The following ARHGAP44 variants were observed in gnomAD, a reference collection of about 807,000 sequenced individuals.
ARHGAP44 encodes rho GTPase-activating protein 44.
ARHGAP44 carries 43 observed loss-of-function variants against 106.8 expected under a neutral mutation model. The observed-to-expected ratio is 0.40, with a 90% confidence interval of 0.32 to 0.52. The LOEUF (loss-of-function observed/expected upper bound fraction) is 0.52. Among genes scored for constraint, ARHGAP44 ranks in the 20% least tolerant of loss-of-function variants. The pLI is 0.48. For synonymous variants in ARHGAP44, 439 were observed against 410.3 expected, an observed-to-expected ratio of 1.07 and a Z score of -0.85; for missense variants, 866 against 1,050.5, an observed-to-expected ratio of 0.82 and a Z score of 2.43.
chr17:12,792,323 C>T (rs902958195), intron 1 of ARHGAP44, among the ~76,000 whole-genome samples: 3 of 152,130 alleles, frequency 2.0e-5, no homozygotes, highest in African/African-American at 4.8e-5. Context: ...CTGATTGAAA[C>T]GCTTTTATTT....
chr17:12,869,530 T>C (rs1324880125), intron 1 of ARHGAP44, among the ~76,000 whole-genome samples: 2 of 152,180 alleles, frequency 1.3e-5, no homozygotes, highest in Non-Finnish European at 1.5e-5. Flanking sequence ...TGGTGTTAAG[T>C]GTGTTTACAT....
chr17:12,922,673 G>A (rs531259538), intron 6 of ARHGAP44, among the ~76,000 whole-genome samples: 10 of 152,160 alleles, frequency 6.6e-5, no homozygotes, highest in Admixed American at 2.0e-4. Context: ...TTATGAGAAG[G>A]AGAATTATTC....
At chr17:12,855,282 A>G (rs897552748) in intron 1 of ARHGAP44, among the ~76,000 whole-genome samples, 4 of 152,156 alleles carry the variant, frequency 2.6e-5, no homozygotes, top group Non-Finnish European at 5.9e-5. Context: ...AAACCCTACA[A>G]TGGACCTTTG....
chr17:12,866,899 C>T (rs1041442112), intron 1 of ARHGAP44, among the ~76,000 whole-genome samples: 6 of 152,154 alleles, frequency 3.9e-5, no homozygotes, highest in Admixed American at 2.6e-4. Context: ...TTTACGGCAG[C>T]CTTTACTTCT....
intron 1 of ARHGAP44, among the ~76,000 whole-genome samples, chr17:12,829,771 C>G (rs139646304): frequency 1.3e-5 from 2 of 152,124 alleles, no homozygotes; most frequent in African/African-American, 2.4e-5. Context: ...CTTCATGTGG[C>G]CTTCCTTGAC....
In ARHGAP44 at chr17:12,949,235, C is replaced by T; in HGVS notation, c.957C>T (p.Asp319=). 1.3e-6 allele frequency: 2 copies of T among 1,564,446 alleles called. No individual in the cohort carries two copies. The highest frequency in any genetic ancestry group is 1.7e-6 in the Non-Finnish European group (2 of 1,154,496). ...TGGATGTGCAGGAGTACTCGGCAGACCCCCACGCAATTGCAGGTGGGCACC... is the reference window on the plus strand; with the variant it reads ...TGGATGTGCAGGAGTACTCGGCAGATCCCCACGCAATTGCAGGTGGGCACC... ...CVVDVQEYSA[D]PHAIAGALKS... Residue 319 remains aspartate (D), a synonymous_variant, in exon 11 of 21, where the codon GAC becomes GAT. Transcript: ENST00000379672. The surrounding 1 kb of genome is among the most constrained non-coding windows in gnomAD (Gnocchi z 4.1).
chr17:12,818,397 G>A (rs1023740052), intron 1 of ARHGAP44, among the ~76,000 whole-genome samples: 8 of 149,730 alleles, frequency 5.3e-5, no homozygotes, highest in Admixed American at 6.6e-5. Context: ...AAGAGTGAAC[G>A]CTTTTCCCCT....
intron 1 of ARHGAP44, among the ~76,000 whole-genome samples, chr17:12,876,610 G>A (rs2036562778): frequency 6.6e-6 from 1 of 151,962 alleles, no homozygotes; most frequent in Admixed American, 6.6e-5. Flanking sequence ...GAGATGGGGA[G>A]ATGGGTTAGA....
chr17:12,900,332 G>A (rs984238750), intron 3 of ARHGAP44, among the ~76,000 whole-genome samples: 3 of 151,946 alleles, frequency 2.0e-5, no homozygotes, highest in African/African-American at 7.3e-5. Flanking sequence ...GTTTCACCAT[G>A]TTGGCCAGGC....
At chr17:12,871,825 G>A (rs888152600) in intron 1 of ARHGAP44, among the ~76,000 whole-genome samples, 1 of 152,092 alleles carries the variant, frequency 6.6e-6, no homozygotes, top group African/African-American at 2.4e-5. Context: ...CATGTAAGAT[G>A]TGCCTGTTTC....
intron 1 of ARHGAP44, among the ~76,000 whole-genome samples, chr17:12,858,798 G>A (rs1426780700): frequency 6.6e-6 from 1 of 152,160 alleles, no homozygotes; most frequent in African/African-American, 2.4e-5. Context: ...AATTTATAAA[G>A]AAAAAGAGGT....
At chr17:12,852,860 A>G (rs79440317) in intron 1 of ARHGAP44, among the ~76,000 whole-genome samples, 8,493 of 152,170 alleles carry the variant, frequency 0.056, 275 homozygotes, top group East Asian at 0.14. Flanking sequence ...TGTTTAAAAA[A>G]AGTTGTTTTG....
chr17:12,880,133 T>C (rs951461628), intron 1 of ARHGAP44, among the ~76,000 whole-genome samples: 3 of 151,372 alleles, frequency 2.0e-5, no homozygotes, highest in Non-Finnish European at 4.4e-5. Context: ...TTTCATCTTG[T>C]AGGAATCATT....
At chr17:12,972,540 C>T (rs1429716162) in intron 16 of ARHGAP44, among the ~76,000 whole-genome samples, 2 of 151,644 alleles carry the variant, frequency 1.3e-5, no homozygotes, top group East Asian at 2.0e-4. Context: ...CCCAGCTACT[C>T]GGGAGGCTGA....
At chr17:12,809,937 C>A (rs2034388530) in intron 1 of ARHGAP44, among the ~76,000 whole-genome samples, 1 of 152,018 alleles carries the variant, frequency 6.6e-6, no homozygotes, top group Non-Finnish European at 1.5e-5. Context: ...GGAGAGAAAC[C>A]CAACAGGCAG....
chr17:12,859,554 A>T (rs1049831222), intron 1 of ARHGAP44, among the ~76,000 whole-genome samples: 3 of 152,172 alleles, frequency 2.0e-5, no homozygotes, highest in Non-Finnish European at 4.4e-5. Flanking sequence ...GCTGGGGCCT[A>T]AAGATTGTTT....
intron 7 of ARHGAP44, among the ~76,000 whole-genome samples, chr17:12,940,153 T>A (rs2150979661): frequency 6.6e-6 from 1 of 152,302 alleles, no homozygotes; most frequent in South Asian, 2.1e-4. Context: ...GTTGCCATGT[T>A]TGCCCCAACC....
intron 6 of ARHGAP44, among the ~76,000 whole-genome samples, chr17:12,923,017 C>A (rs2038129881): frequency 6.6e-6 from 1 of 152,128 alleles, no homozygotes; most frequent in Admixed American, 6.5e-5. Context: ...TCTACCCCAC[C>A]CCCATGCAAA....
At chr17:12,908,611 C>T (rs901728112) in intron 3 of ARHGAP44, among the ~76,000 whole-genome samples, 5 of 152,120 alleles carry the variant, frequency 3.3e-5, no homozygotes, top group African/African-American at 1.2e-4. Flanking sequence ...AAATTTTTCT[C>T]ATTTTTCCTT....
Sources: gnomAD v4.1 joint callset for allele counts (sites outside exome capture counted in the v4.1 genomes callset) on GRCh38, gnomAD v4.1.1 for gene constraint, Gnocchi (gnomAD v3.1) non-coding constraint, MANE v1.5 for transcripts, NCBI Gene and HGNC (gene_info 2026-07-23, HGNC 2026-07-21) for gene names.